PLXNA4: variants seen among roughly 807,000 people sequenced by gnomAD.
The protein encoded by PLXNA4 is plexin-A4.
In PLXNA4, 44 loss-of-function variants were observed where a neutral mutation model predicts 191.8. The observed-to-expected ratio is 0.23, with a 90% CI of 0.18 to 0.29. PLXNA4 has a LOEUF of 0.29. Among genes scored for constraint, PLXNA4 ranks in the 10% least tolerant of loss-of-function variants. The pLI, the probability that PLXNA4 is intolerant of heterozygous loss-of-function variation, is 1.00. For missense variants in PLXNA4, 1,800 were observed against 2,488.8 expected (o/e 0.72, Z 5.89); for synonymous variants, 1,082 against 1,009.5 (o/e 1.07, Z -1.36).
chr7:132,582,112 C>T (rs772297569), upstream of PLXNA4, among the ~76,000 whole-genome samples: 1 of 151,888 alleles, frequency 6.6e-6, no homozygotes, highest in Non-Finnish European at 1.5e-5. Context: ...GGCACAAGGT[C>T]CCGTAGTATG....
chr7:132,241,034 G>A (rs1393837956), intron 5 of PLXNA4, 32 bp downstream of exon 5: 1 of 1,522,752 alleles, frequency 6.6e-7, no homozygotes, highest in Admixed American at 1.7e-5. Context: ...GAGGAAGTGG[G>A]AGGCACGAGG....
chr7:132,639,117 AC>A (rs1487767316), intron 2 of PLXNA4, among the ~76,000 whole-genome samples: 1 of 152,156 alleles, frequency 6.6e-6, no homozygotes, highest in Non-Finnish European at 1.5e-5. Flanking sequence ...AACACCCATC[AC>A]GGTGCTGAGC....
At chr7:132,369,799 T>G (rs975864395) in intron 3 of PLXNA4, among the ~76,000 whole-genome samples, 2 of 150,302 alleles carry the variant, frequency 1.3e-5, no homozygotes, top group Non-Finnish European at 3.0e-5. Context: ...CCGGGCGCGG[T>G]GCCTCCTGCC....
intron 14 of PLXNA4, among the ~76,000 whole-genome samples, chr7:132,191,039 C>T (rs1227753025): frequency 6.6e-6 from 1 of 152,040 alleles, no homozygotes; most frequent in African/African-American, 2.4e-5. Flanking sequence ...GCTCGTGCAA[C>T]CAAGAGAAGG....
chr7:132,411,413 G>T (rs1794455844), intron 3 of PLXNA4, among the ~76,000 whole-genome samples: 1 of 152,220 alleles, frequency 6.6e-6, no homozygotes, highest in Non-Finnish European at 1.5e-5. Flanking sequence ...TGAAGGGTAT[G>T]TTACGGGCTT....
At chr7:132,274,004 T>TA (rs5887563) in intron 4 of PLXNA4, among the ~76,000 whole-genome samples, 42,517 of 146,928 alleles carry the variant, frequency 0.29, 6,137 homozygotes, top group Admixed American at 0.42. Flanking sequence ...TATTCAGCAG[T>TA]AAAAAAAAAA....
intron 25 of PLXNA4, among the ~76,000 whole-genome samples, chr7:132,149,418 T>C (rs536315316): frequency 1.3e-5 from 2 of 152,258 alleles, no homozygotes; most frequent in East Asian, 3.9e-4. Context: ...CCACCATACT[T>C]GGTACAAATC....
At chr7:132,341,722 C>T (rs1190961778) in intron 3 of PLXNA4, among the ~76,000 whole-genome samples, 2 of 152,182 alleles carry the variant, frequency 1.3e-5, no homozygotes, top group African/African-American at 4.8e-5. Flanking sequence ...CTTACCCTGT[C>T]CCTTTACAGC....
intron 3 of PLXNA4, among the ~76,000 whole-genome samples, chr7:132,483,394 C>A (rs1363487493): frequency 6.6e-6 from 1 of 152,238 alleles, no homozygotes; most frequent in Non-Finnish European, 1.5e-5. Context: ...TGCCTCCTCC[C>A]TCTTCCTCTG....
intron 4 of PLXNA4, among the ~76,000 whole-genome samples, chr7:132,265,373 T>C (rs1428391666): frequency 6.6e-6 from 1 of 152,232 alleles, no homozygotes. Context: ...CTGTGCTATA[T>C]TGGTCAGGTC....
At chr7:132,477,500 G>A (rs1414213018) in intron 3 of PLXNA4, among the ~76,000 whole-genome samples, 3 of 152,210 alleles carry the variant, frequency 2.0e-5, no homozygotes, top group South Asian at 2.1e-4. Flanking sequence ...GCACATGAAC[G>A]TGAGTTGAAA....
chr7:132,544,852 T>A (rs10245253), intron 1 of PLXNA4, among the ~76,000 whole-genome samples: 1 of 152,038 alleles, frequency 6.6e-6, no homozygotes, highest in African/African-American at 2.4e-5. Flanking sequence ...ATCTTGGAGA[T>A]GAAATAAAAT....
At chr7:132,475,892 C>T (rs189561450) in intron 3 of PLXNA4, among the ~76,000 whole-genome samples, 67 of 152,280 alleles carry the variant, frequency 4.4e-4, no homozygotes, top group Admixed American at 1.7e-3. Context: ...TGTCATCATC[C>T]TGAAGCCAAA....
chr7:132,349,020 A>G (rs751152107), intron 3 of PLXNA4, among the ~76,000 whole-genome samples: 15 of 152,058 alleles, frequency 9.9e-5, no homozygotes, highest in Non-Finnish European at 2.1e-4. Flanking sequence ...CCTCCCCACC[A>G]TGTGTACTTC....
At chr7:132,543,477 T>C (rs956328583) in intron 1 of PLXNA4, among the ~76,000 whole-genome samples, 5 of 152,228 alleles carry the variant, frequency 3.3e-5, no homozygotes. Context: ...TTACTAGCTT[T>C]CATATGTCTT....
At position 132,181,943 on chromosome 7, in the gene PLXNA4, C is replaced by G. The variant is rs577722741; in HGVS notation, c.3252+154G>C. On this transcript the variant is annotated intron_variant, in intron 17 of 31. Coordinates refer to ENST00000321063, the MANE Select transcript of PLXNA4 (RefSeq NM_020911.2). Reference sequence around the variant, plus strand: ...GTAAAAATGCCCTTATGTCTTCCCCCCTATTCCACTATCCTAGTATTCAAG... The same window carrying G: ...GTAAAAATGCCCTTATGTCTTCCCCGCTATTCCACTATCCTAGTATTCAAG... 1.3e-4 allele frequency among the ~76,000 whole-genome samples: 20 copies of G among 152,338 alleles called. No individual in the cohort carries two copies. In the South Asian group the frequency reaches 3.1e-3, roughly 24 times the overall value.
At chr7:132,465,950 C>A (rs562816514) in intron 3 of PLXNA4, among the ~76,000 whole-genome samples, 1 of 152,076 alleles carries the variant, frequency 6.6e-6, no homozygotes, top group Non-Finnish European at 1.5e-5. Context: ...ACATTCCCTT[C>A]GAAGGGATTC....
At chr7:132,340,449 A>T (rs1265924467) in intron 3 of PLXNA4, among the ~76,000 whole-genome samples, 1 of 152,208 alleles carries the variant, frequency 6.6e-6, no homozygotes, top group Non-Finnish European at 1.5e-5. Flanking sequence ...ACTTCTAAGC[A>T]TCAGTTGGTG....
At chr7:132,259,616 G>C (rs972119341) in intron 4 of PLXNA4, among the ~76,000 whole-genome samples, 5 of 152,014 alleles carry the variant, frequency 3.3e-5, no homozygotes, top group African/African-American at 9.7e-5. Context: ...TGTGCATCTT[G>C]GTTCTTCTAT....
Sources: gnomAD v4.1 joint callset for allele counts (sites outside exome capture counted in the v4.1 genomes callset) on GRCh38, gnomAD v4.1.1 for gene constraint, MANE v1.5 for transcripts, NCBI Gene and HGNC (gene_info 2026-07-23, HGNC 2026-07-21) for gene names.